KIAA1217: variants seen among roughly 807,000 people sequenced by gnomAD.
The protein encoded by KIAA1217 is sickle tail protein homolog.
KIAA1217 carries 88 observed loss-of-function variants against 163.9 expected under a neutral mutation model. The ratio of observed to expected loss-of-function variants is 0.54; its 90% CI spans 0.45 to 0.64. The LOEUF is 0.64. KIAA1217 is among the 30% of genes least tolerant of loss of function. The pLI is 0.00. For synonymous variants in KIAA1217, 903 were observed against 923.1 expected (o/e 0.98, Z 0.39); for missense variants, 2,372 against 2,475.0 (o/e 0.96, Z 0.88).
At position 24,521,946 on chromosome 10, in the gene KIAA1217, C is replaced by T. The variant is rs368458897; in HGVS notation, c.2456+17C>T. The stretch of plus-strand genomic sequence containing the variant: ...GCTGCGGAGGTGACCGGGCCCTCAT[C>T]GTGCTGGGGGTGGCCTGCGGAGGGG... On this transcript the variant is annotated intron_variant, in intron 12 of 20. Coordinates refer to ENST00000376454, the MANE Select transcript of KIAA1217 (RefSeq NM_019590.5). 29 of 1,599,258 alleles carry T rather than the reference C, an allele frequency of 1.8e-5. No homozygotes were observed. Among genetic ancestry groups the T allele is most frequent in the East Asian group, 4.5e-5 (2 of 44,558 alleles).
At chr10:23,744,758 C>T (rs140068883) in intron 1 of KIAA1217, among the ~76,000 whole-genome samples, 63 of 152,294 alleles carry the variant, frequency 4.1e-4, no homozygotes, top group African/African-American at 1.4e-3. Context: ...AAATAATTGG[C>T]TCACATGATT....
At chr10:23,841,827 C>CTTTTATTTTAT (rs946474049) in intron 1 of KIAA1217, among the ~76,000 whole-genome samples, 1 of 133,492 alleles carries the variant, frequency 7.5e-6, no homozygotes, top group African/African-American at 2.9e-5. Flanking sequence ...ACCATTGGGA[C>CTTTTATTTTAT]TTTATTTTAT....
chr10:24,319,375 CAAAAAAAAAAAAAAAAAA>C (rs34410717), intron 2 of KIAA1217, among the ~76,000 whole-genome samples: 3 of 45,812 alleles, frequency 6.5e-5, no homozygotes, highest in South Asian at 2.0e-3. Context: ...GACGTTGTCT[CAAAAAAAAAAAAAAAAAA>C]AAAAAAAAAA....
intron 1 of KIAA1217, among the ~76,000 whole-genome samples, chr10:23,871,627 C>A (rs1240213604): frequency 6.6e-6 from 1 of 151,968 alleles, no homozygotes; most frequent in African/African-American, 2.4e-5. Context: ...CAAACATCTC[C>A]CCCTTCTACC....
chr10:23,839,974 G>T (rs767156929), intron 1 of KIAA1217, among the ~76,000 whole-genome samples: 14 of 152,046 alleles, frequency 9.2e-5, no homozygotes, highest in Admixed American at 2.0e-4. Context: ...GCAGAACACA[G>T]CTCCTATATT....
At position 24,184,734 on chromosome 10, in the gene KIAA1217, C is replaced by T. The variant is rs75481690; in HGVS notation, c.-170-34892C>T. 3.3e-3 allele frequency among the ~76,000 whole-genome samples: 503 copies of T among 152,264 alleles called. 1 individual carries two copies. The highest frequency in any genetic ancestry group is 5.9e-3 in the Non-Finnish European group (404 of 68,006). The stretch of plus-strand genomic sequence containing the variant: ...AGCTGGCTGCAATACTGGCAGTATT[C>T]AATTCAAAACCAGGAGCACATGATT... On this transcript the variant is annotated intron_variant, in intron 2 of 18. Coordinates refer to the KIAA1217 transcript ENST00000376462.
At chr10:24,106,335 A>T (rs1011112989) in intron 2 of KIAA1217, among the ~76,000 whole-genome samples, 7 of 152,032 alleles carry the variant, frequency 4.6e-5, no homozygotes, top group Admixed American at 1.3e-4. Context: ...GACTTCAGGA[A>T]AATATCTTTA....
intron 1 of KIAA1217, among the ~76,000 whole-genome samples, chr10:23,931,270 A>G (rs1158789892): frequency 2.0e-5 from 3 of 152,150 alleles, no homozygotes; most frequent in African/African-American, 7.2e-5. Flanking sequence ...GGATAAACAA[A>G]CTGAGCCCCA....
At chr10:23,810,294 G>T (rs1373406423) in intron 1 of KIAA1217, among the ~76,000 whole-genome samples, 1 of 147,250 alleles carries the variant, frequency 6.8e-6, no homozygotes, top group Non-Finnish European at 1.5e-5. Flanking sequence ...TATATGAAAA[G>T]CTATATAGTA....
chr10:24,508,863 C>T (rs1464290395), intron 9 of KIAA1217, among the ~76,000 whole-genome samples: 3 of 152,118 alleles, frequency 2.0e-5, no homozygotes, highest in Non-Finnish European at 4.4e-5. Context: ...TCTATAATGA[C>T]AGAAAGCAGA....
At chr10:24,259,399 G>A (rs1243753069) in intron 2 of KIAA1217, among the ~76,000 whole-genome samples, 2 of 152,008 alleles carry the variant, frequency 1.3e-5, no homozygotes, top group African/African-American at 2.4e-5. Context: ...GATTGCTTGC[G>A]GCCAGGAGTG....
chr10:24,523,148 T>A lies in KIAA1217; in HGVS notation c.2457-1175T>A, dbSNP rs1028544727. ...GCCTGGGTGACAGAGCAAGACCCCATCTCTACAAAAAATTATTTTAAAAAT... is the reference window on the plus strand; with the variant it reads ...GCCTGGGTGACAGAGCAAGACCCCAACTCTACAAAAAATTATTTTAAAAAT... On this transcript the variant is annotated intron_variant, in intron 12 of 20. Coordinates refer to ENST00000376454, the MANE Select transcript of KIAA1217 (RefSeq NM_019590.5). 2.6e-5 allele frequency among the ~76,000 whole-genome samples: 4 copies of A among 152,028 alleles called. No individual in the cohort carries two copies. In the East Asian group the frequency reaches 7.8e-4, roughly 30 times the overall value.
chr10:24,308,325 A>C (rs1289538623), intron 2 of KIAA1217, among the ~76,000 whole-genome samples: 6 of 152,250 alleles, frequency 3.9e-5, no homozygotes, highest in Non-Finnish European at 7.3e-5. Context: ...GCTGTTAGAT[A>C]ATATGCTGGC....
intron 2 of KIAA1217, among the ~76,000 whole-genome samples, chr10:24,113,559 A>T: frequency 6.6e-6 from 1 of 152,198 alleles, no homozygotes; most frequent in East Asian, 1.9e-4. Context: ...TTTTGCTCGC[A>T]AAATCACTGG....
Position 24,494,511 on chromosome 10 carries a change from A to G in KIAA1217, c.1691A>G (p.Gln564Arg). The G allele has an allele frequency of 1.2e-6, 2 of 1,613,356 alleles. No homozygotes were observed. Among genetic ancestry groups the G allele is most frequent in the Non-Finnish European group, 1.7e-6 (2 of 1,179,514 alleles). Reference protein sequence around the residue: ...PKDRETRERMQAMEKQIASLT... With the variant: ...PKDRETRERMRAMEKQIASLT... Reference sequence around the variant, plus strand: ...CTCTTGTTTTACAGAGAGAGGATGCAAGCCATGGAGAAACAGATTGCCAGT... The same window carrying G: ...CTCTTGTTTTACAGAGAGAGGATGCGAGCCATGGAGAAACAGATTGCCAGT... Residue 564 changes from glutamine (Q) to arginine (R), a missense_variant, in exon 7 of 21, where the codon CAA (glutamine) becomes CGA (arginine). Transcript: ENST00000376454.
At chr10:23,715,408 C>T (rs892220437) in intron 1 of KIAA1217, among the ~76,000 whole-genome samples, 18 of 151,984 alleles carry the variant, frequency 1.2e-4, no homozygotes, top group African/African-American at 3.4e-4. Flanking sequence ...TCCAGTTATG[C>T]GTATTAGATC....
intron 4 of KIAA1217, among the ~76,000 whole-genome samples, chr10:24,436,499 C>T (rs926919155): frequency 2.6e-5 from 4 of 150,958 alleles, no homozygotes; most frequent in Non-Finnish European, 5.9e-5. Context: ...TGGCTCACGC[C>T]TGTAATCCCA....
At chr10:23,828,181 A>G (rs899951602) in intron 1 of KIAA1217, among the ~76,000 whole-genome samples, 15 of 152,124 alleles carry the variant, frequency 9.9e-5, no homozygotes, top group African/African-American at 3.6e-4. Context: ...GCTATGCCAA[A>G]CTCTGAAAAT....
At chr10:24,315,978 T>C (rs2043311589) in intron 2 of KIAA1217, among the ~76,000 whole-genome samples, 1 of 151,856 alleles carries the variant, frequency 6.6e-6, no homozygotes, top group South Asian at 2.1e-4. Context: ...GTATAATTGA[T>C]TATAAAGGGT....
Sources: gnomAD v4.1 joint callset for allele counts (sites outside exome capture counted in the v4.1 genomes callset) on GRCh38, gnomAD v4.1.1 for gene constraint, MANE v1.5 for transcripts, NCBI Gene and HGNC (gene_info 2026-07-23, HGNC 2026-07-21) for gene names.